The following LGALSL variants were observed in gnomAD, a reference collection of about 807,000 sequenced individuals.
LGALSL encodes the protein galectin-related protein.
Under a neutral mutation model 19.5 loss-of-function variants are expected in LGALSL, and 13 were observed. The observed-to-expected ratio is 0.67, with a 90% CI of 0.43 to 1.06. LGALSL has a LOEUF of 1.06. LGALSL is among the 50% of genes least tolerant of loss of function. The probability of loss-of-function intolerance (pLI) is 0.00; values close to 1 mark genes in which losing one functional copy is unlikely to be tolerated. For synonymous variants in LGALSL, 86 were observed against 78.3 expected (o/e 1.10, Z -0.52); for missense variants, 189 against 219.3 (o/e 0.86, Z 0.87).
In LGALSL at chr2:64,458,884, TTTTTTG is replaced by T. The variant is rs753632153; in HGVS notation, c.*479_*484del. 33 of 153,220 alleles carry T rather than the reference TTTTTTG, an allele frequency of 2.2e-4. No individual in the cohort carries two copies. The highest frequency in any genetic ancestry group is 9.6e-4 in the East Asian group (5 of 5,216). The allele number at this position is 153,220 out of a possible 1,614,324, so 9.5% of individuals were successfully genotyped here. A position where few individuals can be genotyped will look rare whatever the true frequency, so the allele number is the denominator to read the frequency against. On this transcript the variant is annotated 3_prime_UTR_variant, in exon 5 of 5. Coordinates refer to ENST00000238875, the MANE Select transcript of LGALSL (RefSeq NM_014181.3). ...TGTTCAAGGTTTGACTTTTTTTTTG[TTTTTTG>T]TTTTTGTTTTTGTTTTTGTTTTGCA...
chr2:64,455,554 T>C, intron 2 of LGALSL, 35 bp from the exon 3 acceptor site: 1 of 1,583,634 alleles, frequency 6.3e-7, no homozygotes, highest in Non-Finnish European at 8.7e-7. Flanking sequence ...CCTAACAGGC[T>C]GTAAAATTCA....
rs1553385981 is a variant in LGALSL, at chr2:64,457,432, A to AT, written c.376-853_376-852insT. ...GAGCAAGGCTCTGTCAAAAAAAAAAAAAATAAAGGGAAATGCAAGTAGTAA... is the reference window on the plus strand; with the variant it reads ...GAGCAAGGCTCTGTCAAAAAAAAAAATAAATAAAGGGAAATGCAAGTAGTAA... On this transcript the variant is annotated intron_variant, in intron 4 of 4. Coordinates refer to ENST00000238875, the MANE Select transcript of LGALSL (RefSeq NM_014181.3). Among the ~76,000 whole-genome samples, 544 of 152,228 alleles carry AT rather than the reference A, an allele frequency of 3.6e-3. 3 individuals are homozygous for AT. Among genetic ancestry groups the AT allele is most frequent in the African/African-American group, 0.013 (520 of 41,502 alleles).
intron 4 of LGALSL, 48 bp from the exon 5 acceptor site, chr2:64,458,237 C>T: frequency 6.4e-7 from 1 of 1,568,136 alleles, no homozygotes; most frequent in Non-Finnish European, 8.8e-7. Context: ...GTTTGTTTTC[C>T]CCAGTAGCGT....
Position 64,454,646 on chromosome 2 carries a change from TC to T in LGALSL, c.36+67del. ...CGTCCCGCACTCCGCCGCCGCCTGCTCCAGCAGTGCTGGGGTGCTGAGCAGC... is the reference window on the plus strand; with the variant it reads ...CGTCCCGCACTCCGCCGCCGCCTGCTCAGCAGTGCTGGGGTGCTGAGCAGC... On this transcript the variant is annotated intron_variant, in intron 1 of 4. Transcript: ENST00000238875. The surrounding 1 kb of genome is among the most constrained non-coding windows in gnomAD (Gnocchi z 5.1). 1 of 1,179,476 alleles carries T rather than the reference TC, an allele frequency of 8.5e-7. No individual in the cohort carries two copies. Among genetic ancestry groups the T allele is most frequent in the Non-Finnish European group, 1.1e-6 (1 of 921,002 alleles). The allele number at this position is 1,179,476 out of a possible 1,614,324, so 73.1% of individuals were successfully genotyped here.
intron 4 of LGALSL, among the ~76,000 whole-genome samples, chr2:64,457,330 G>A (rs777844457): frequency 3.9e-5 from 6 of 151,924 alleles, no homozygotes; most frequent in Admixed American, 1.3e-4. Context: ...AGGCTGAGAC[G>A]GGAGGATTGC....
At chr2:64,456,025 A>C (rs1572899164) in intron 3 of LGALSL, among the ~76,000 whole-genome samples, 1 of 151,954 alleles carries the variant, frequency 6.6e-6, no homozygotes. Flanking sequence ...TCCCCTGGTC[A>C]ATTTCTGTGG....
chr2:64,454,573 G>T lies in LGALSL; in HGVS notation c.28G>T (p.Ala10Ser), dbSNP rs1686699585. Reference sequence around the variant, plus strand: ...GGCGGGATCAGTGGCCGACAGCGATGCCGTGGTGGTGAGTGTGGCAGGGCG... The same window carrying T: ...GGCGGGATCAGTGGCCGACAGCGATTCCGTGGTGGTGAGTGTGGCAGGGCG... MAGSVADSD[A>S]VVKLDDGHLN... is the part of the protein sequence containing the mutation. Residue 10 changes from alanine to serine, a missense_variant, in exon 1 of 5, where the codon GCC (alanine) becomes TCC (serine). Ala to Ser is a moderately conservative substitution (Grantham distance 99, BLOSUM62 1). Coordinates refer to ENST00000238875, the MANE Select transcript of LGALSL (RefSeq NM_014181.3). The surrounding 1 kb of genome is among the most constrained non-coding windows in gnomAD (Gnocchi z 5.1). The T allele has an allele frequency of 6.9e-7, 1 of 1,452,778 alleles. No individual in the cohort carries two copies. The highest frequency in any genetic ancestry group is 1.4e-5 in the South Asian group (1 of 73,430). The allele number at this position is 1,452,778 out of a possible 1,614,324, so 90.0% of individuals were successfully genotyped here.
At chr2:64,456,139 T>C in intron 3 of LGALSL, 149 bp from the exon 4 acceptor site, 1 of 620,414 alleles carries the variant, frequency 1.6e-6, no homozygotes, top group South Asian at 2.4e-5. Flanking sequence ...CTGGTTTGAC[T>C]TACTTCTCCA....
chr2:64,461,279 ACTTT>A lies in LGALSL; in HGVS notation c.*2855_*2858del, dbSNP rs1408289748. ...TATGATGACATATTTTCAAAGAAAC[ACTTT>A]CTTATTTACTGTGTGGTGTAAAATG... On this transcript the variant is annotated 3_prime_UTR_variant, in exon 5 of 5. Transcript: ENST00000238875. 8 of 152,224 alleles carry A rather than the reference ACTTT, an allele frequency of 5.3e-5. No homozygotes were observed. The highest frequency in any genetic ancestry group is 1.0e-4 in the Non-Finnish European group (7 of 68,032). 9.4% of individuals were successfully genotyped at this position (152,224 alleles called of 1,614,324 possible).
Position 64,461,088 on chromosome 2 carries a change from G to A in LGALSL, c.*2660G>A, listed in dbSNP as rs1572900976. 1.3e-5 allele frequency: 2 copies of A among 152,222 alleles called. No homozygotes were observed. Among genetic ancestry groups the A allele is most frequent in the East Asian group, 1.9e-4 (1 of 5,190 alleles). The allele number at this position is 152,222 out of a possible 1,614,324, so 9.4% of individuals were successfully genotyped here. ...CCCATTTCAAATCTTGCCGACCTTA[G>A]TTCAAAGCCCCCTGAGAGATCACTT... On this transcript the variant is annotated 3_prime_UTR_variant, in exon 5 of 5. Coordinates refer to ENST00000238875, the MANE Select transcript of LGALSL (RefSeq NM_014181.3).
chr2:64,456,804 TTATTAAA>T (rs1285354596), intron 4 of LGALSL, among the ~76,000 whole-genome samples: 1 of 152,222 alleles, frequency 6.6e-6, no homozygotes, highest in African/African-American at 2.4e-5. Flanking sequence ...AAGTACCCAC[TTATTAAA>T]TATTAATATT....
rs781507001 is a variant in LGALSL, at chr2:64,456,226, T to C, written c.198-62T>C. On this transcript the variant is annotated intron_variant, in intron 3 of 4. Coordinates refer to ENST00000238875, the MANE Select transcript of LGALSL (RefSeq NM_014181.3). Reference sequence around the variant, plus strand: ...GAGGAGGAAGAAGAAATATAAGCACTTGGGTCATTTTGAAATGTTTTTATA... The same window carrying C: ...GAGGAGGAAGAAGAAATATAAGCACCTGGGTCATTTTGAAATGTTTTTATA... 22 of 1,448,038 alleles carry C rather than the reference T, an allele frequency of 1.5e-5. No individual in the cohort carries two copies. In the South Asian group the frequency reaches 2.4e-4, roughly 16 times the overall value. The allele number at this position is 1,448,038 out of a possible 1,614,324, so 89.7% of individuals were successfully genotyped here.
In LGALSL at chr2:64,459,253, C is replaced by G. The variant is rs1686781560; in HGVS notation, c.*825C>G. 1 of 152,118 alleles carries G rather than the reference C, an allele frequency of 6.6e-6. No homozygotes were observed. The highest frequency in any genetic ancestry group is 1.9e-4 in the East Asian group (1 of 5,198). The allele number at this position is 152,118 out of a possible 1,614,324, so 9.4% of individuals were successfully genotyped here. On this transcript the variant is annotated 3_prime_UTR_variant, in exon 5 of 5. Transcript: ENST00000238875. ...AAATTCTATTTACATTGCTTTTTCT[C>G]CTTACTGGGAATTAGCACATTATTG...
intron 4 of LGALSL, among the ~76,000 whole-genome samples, chr2:64,457,598 A>G (rs567429356): frequency 7.2e-5 from 11 of 152,342 alleles, no homozygotes; most frequent in African/African-American, 1.2e-4. Context: ...GTTACCCTTC[A>G]TCTAGAAATT....
chr2:64,457,311 C>T (rs1397950302), intron 4 of LGALSL, among the ~76,000 whole-genome samples: 1 of 151,884 alleles, frequency 6.6e-6, no homozygotes, highest in Non-Finnish European at 1.5e-5. Context: ...GTAGTCCTAG[C>T]TACTTGGGAG....
chr2:64,455,972 G>A (rs1455675977), intron 3 of LGALSL, among the ~76,000 whole-genome samples: 2 of 150,784 alleles, frequency 1.3e-5, no homozygotes, highest in Non-Finnish European at 2.9e-5. Context: ...GGTGCCAGGA[G>A]CAAGAACTAT....
chr2:64,454,507 G>C lies in LGALSL; in HGVS notation c.-39G>C. ...GGACAGCCCCGGGATCCCCGCCCGC[G>C]CGCCGCGTCCCACGTACCCCGCCGC... On this transcript the variant is annotated 5_prime_UTR_variant, in exon 1 of 5. Coordinates refer to ENST00000238875, the MANE Select transcript of LGALSL (RefSeq NM_014181.3). The surrounding 1 kb of genome is among the most constrained non-coding windows in gnomAD (Gnocchi z 5.1). 1 of 1,330,498 alleles carries C rather than the reference G, an allele frequency of 7.5e-7. No individual in the cohort carries two copies. Among genetic ancestry groups the C allele is most frequent in the Non-Finnish European group, 9.7e-7 (1 of 1,031,476 alleles). 82.4% of individuals were successfully genotyped at this position (1,330,498 alleles called of 1,614,324 possible).
chr2:64,456,259 C>T, intron 3 of LGALSL, 29 bp from the exon 4 acceptor site: 3 of 1,597,898 alleles, frequency 1.9e-6, no homozygotes, highest in South Asian at 1.1e-5. Flanking sequence ...ATATCCAACC[C>T]TTAATCAGTG....
At position 64,460,889 on chromosome 2, in the gene LGALSL, G is replaced by A. The variant is rs1438431174; in HGVS notation, c.*2461G>A. 1 of 152,172 alleles carries A rather than the reference G, an allele frequency of 6.6e-6. No homozygotes were observed. Among genetic ancestry groups the A allele is most frequent in the African/African-American group, 2.4e-5 (1 of 41,422 alleles). 9.4% of individuals were successfully genotyped at this position (152,172 alleles called of 1,614,324 possible). A position where few individuals can be genotyped will look rare whatever the true frequency, so the allele number is the denominator to read the frequency against. ...GTTCTGCAATAACCAAAACCAAGGAGTATAAATAACAATCAGGCTCTGGGG... is the reference window on the plus strand; with the variant it reads ...GTTCTGCAATAACCAAAACCAAGGAATATAAATAACAATCAGGCTCTGGGG... On this transcript the variant is annotated 3_prime_UTR_variant, in exon 5 of 5. Coordinates refer to ENST00000238875, the MANE Select transcript of LGALSL (RefSeq NM_014181.3).
Sources: allele counts gnomAD v4.1 joint callset (sites outside exome capture counted in the v4.1 genomes callset), GRCh38; gene constraint gnomAD v4.1.1; non-coding constraint Gnocchi (gnomAD v3.1); transcripts MANE v1.5; gene names NCBI Gene and HGNC (gene_info 2026-07-23, HGNC 2026-07-21).